TOP2B: variants seen among roughly 807,000 people sequenced by gnomAD.
The protein encoded by TOP2B is DNA topoisomerase 2-beta.
TOP2B carries 51 observed loss-of-function variants against 193.5 expected under a neutral mutation model. The observed-to-expected ratio is 0.26, with a 90% CI of 0.21 to 0.33. The LOEUF (loss-of-function observed/expected upper bound fraction) is 0.33, where lower values mean the gene tolerates loss of function less well. Among genes scored for constraint, TOP2B ranks in the 10% least tolerant of loss-of-function variants. The pLI, the probability that TOP2B is intolerant of heterozygous loss-of-function variation, is 1.00. For synonymous variants in TOP2B, 634 were observed against 635.7 expected, an observed-to-expected ratio of 1.00 and a Z score of 0.04; for missense variants, 1,378 against 1,909.3, an observed-to-expected ratio of 0.72 and a Z score of 5.19.
intron 1 of TOP2B, among the ~76,000 whole-genome samples, chr3:25,650,028 G>C (rs916988284): frequency 1.3e-5 from 2 of 152,172 alleles, no homozygotes; most frequent in Admixed American, 6.5e-5. Flanking sequence ...ATTATCAACT[G>C]AAAAAATTAG....
chr3:25,621,381 G>A (rs1702653943), intron 21 of TOP2B, among the ~76,000 whole-genome samples: 1 of 152,040 alleles, frequency 6.6e-6, no homozygotes, highest in South Asian at 2.1e-4. Context: ...TTTGTTTTGA[G>A]ACAGGGTCTC....
At chr3:25,616,252 A>G (rs1000172258) in intron 25 of TOP2B, among the ~76,000 whole-genome samples, 1 of 151,994 alleles carries the variant, frequency 6.6e-6, no homozygotes, top group Admixed American at 6.6e-5. Context: ...TTCAAAATAC[A>G]ATGAATTTAA....
intron 25 of TOP2B, chr3:25,618,205 T>C (rs1271332476): frequency 2.2e-5 from 11 of 503,180 alleles, no homozygotes; most frequent in Admixed American, 3.4e-5. Flanking sequence ...CAGGCTCTGG[T>C]TGAGTCACAC....
rs749527175 is a variant in TOP2B at position 25,598,144 on chromosome 3, C to CTGTA, written c.*159_*162dup. On this transcript the variant is annotated 3_prime_UTR_variant, in exon 36 of 36. Transcript: ENST00000264331. Reference sequence around the variant, plus strand: ...TCAATGAGTAAAAAAGAGCATAAAACTGTATGTGTAAGAACAAAATGTTAA... The same window carrying CTGTA: ...TCAATGAGTAAAAAAGAGCATAAAACTGTATGTATGTGTAAGAACAAAATGTTAA... The CTGTA allele has an allele frequency of 1.0e-4, 68 of 656,714 alleles. No individual in the cohort carries two copies. Among genetic ancestry groups the CTGTA allele is most frequent in the Non-Finnish European group, 1.5e-4 (60 of 407,168 alleles). The allele number at this position is 656,714 out of a possible 1,614,324, so 40.7% of individuals were successfully genotyped here. A position where few individuals can be genotyped will look rare whatever the true frequency, so the allele number is the denominator to read the frequency against.
intron 18 of TOP2B, among the ~76,000 whole-genome samples, chr3:25,626,061 GA>G (rs1185354991): frequency 6.8e-5 from 10 of 146,098 alleles, no homozygotes; most frequent in Non-Finnish European, 1.1e-4. Flanking sequence ...AAGGTTATGA[GA>G]AAAAAAAAAG....
rs1007817908 is a variant in TOP2B, at chr3:25,664,888, C to T, written c.-591G>A. On this transcript the variant is annotated 5_prime_UTR_variant, in exon 1 of 36. Coordinates refer to ENST00000264331, the MANE Select transcript of TOP2B (RefSeq NM_001330700.2). ...CCGCCACGGTCACCTCCCTCTTGTC[C>T]GGCATAACACCGCACACACACATTT... 1.0e-6 allele frequency: 1 copy of T among 990,356 alleles called. No homozygotes were observed. The highest frequency in any genetic ancestry group is 1.2e-6 in the Non-Finnish European group (1 of 832,194). The allele number at this position is 990,356 out of a possible 1,614,324, so 61.3% of individuals were successfully genotyped here.
In TOP2B at chr3:25,664,833, G is replaced by C; in HGVS notation, c.-536C>G. On this transcript the variant is annotated 5_prime_UTR_variant, in exon 1 of 36. Transcript: ENST00000264331. ...CGATTTCCTCACACACACACACCGA[G>C]AGGGACAATAAACAGAGCCGCCGCC... 7.1e-6 allele frequency: 7 copies of C among 991,450 alleles called. No homozygotes were observed. Among genetic ancestry groups the C allele is most frequent in the Non-Finnish European group, 8.4e-6 (7 of 833,094 alleles). The allele number at this position is 991,450 out of a possible 1,614,324, so 61.4% of individuals were successfully genotyped here.
intron 1 of TOP2B, among the ~76,000 whole-genome samples, chr3:25,658,072 A>C (rs371689007): frequency 6.3e-5 from 6 of 95,322 alleles, no homozygotes; most frequent in African/African-American, 1.4e-4. Flanking sequence ...AAAAAAAAAA[A>C]AAAAAATTAG....
intron 4 of TOP2B, among the ~76,000 whole-genome samples, chr3:25,640,759 T>A (rs1048260324): frequency 1.4e-4 from 20 of 139,328 alleles, no homozygotes; most frequent in African/African-American, 5.4e-4. Context: ...TGTCTTTTTT[T>A]TTTTTTTTTT....
chr3:25,630,216 T>C, intron 12 of TOP2B, 62 bp from the exon 13 acceptor site: 1 of 1,520,640 alleles, frequency 6.6e-7, no homozygotes, highest in Non-Finnish European at 8.8e-7. Context: ...AGTCAGAAAT[T>C]ACATTTAAAA....
intron 1 of TOP2B, among the ~76,000 whole-genome samples, chr3:25,647,244 C>G (rs1031639993): frequency 3.3e-5 from 5 of 152,106 alleles, no homozygotes; most frequent in African/African-American, 4.8e-5. Flanking sequence ...GGCGCAGTGA[C>G]GTTAATTTAT....
chr3:25,601,358 C>G, intron 33 of TOP2B, 133 bp from the exon 34 acceptor site: 1 of 1,108,400 alleles, frequency 9.0e-7, no homozygotes, highest in Non-Finnish European at 1.2e-6. Flanking sequence ...TGGCTCACAC[C>G]TGTAATGCCA....
At chr3:25,651,458 A>G (rs1404640622) in intron 1 of TOP2B, among the ~76,000 whole-genome samples, 3 of 152,016 alleles carry the variant, frequency 2.0e-5, no homozygotes, top group African/African-American at 7.2e-5. Context: ...AAAAAAAAAA[A>G]ATCAATGAAA....
intron 34 of TOP2B, 120 bp downstream of exon 34, chr3:25,600,980 A>G: frequency 1.0e-6 from 1 of 977,918 alleles, no homozygotes; most frequent in East Asian, 2.6e-5. Context: ...CTGCTTACTG[A>G]GGAGTAAAGC....
At chr3:25,648,705 A>ATGT (rs1703485239) in intron 1 of TOP2B, among the ~76,000 whole-genome samples, 1 of 151,834 alleles carries the variant, frequency 6.6e-6, no homozygotes, top group Non-Finnish European at 1.5e-5. Context: ...AAACAAAACA[A>ATGT]AAAAAAATTA....
At chr3:25,627,422 A>ATATTTTTTTTTTTTTTTTTT in intron 15 of TOP2B, 126 bp from the exon 16 acceptor site, 1 of 514,324 alleles carries the variant, frequency 1.9e-6, no homozygotes, top group Non-Finnish European at 3.4e-6. Flanking sequence ...TAAGTGATCA[A>ATATTTTTTTTTTTTTTTTTT]TCTTAATAAG....
At chr3:25,607,068 C>T (rs2125348175) in intron 31 of TOP2B, 103 bp downstream of exon 31, 1 of 1,433,770 alleles carries the variant, frequency 7.0e-7, no homozygotes, top group Non-Finnish European at 9.3e-7. Context: ...TGAAGAAGAA[C>T]TTGCCTAGAA....
Position 25,628,843 on chromosome 3 carries a change from A to G in TOP2B, c.1906+4T>C. The G allele has an allele frequency of 6.8e-7, 1 of 1,478,252 alleles. No individual in the cohort carries two copies. Among genetic ancestry groups the G allele is most frequent in the Non-Finnish European group, 9.2e-7 (1 of 1,092,884 alleles). 91.6% of individuals were successfully genotyped at this position (1,478,252 alleles called of 1,614,324 possible). ...TTAAAATCTAAGTATTTTAAAATAC[A>G]AACCTTTATAGTACTTTATTTTCCA... On this transcript the variant is annotated splice_donor_region_variant and intron_variant, in intron 15 of 35. Transcript: ENST00000264331.
At position 25,607,166 on chromosome 3, in the gene TOP2B, C is replaced by T; in HGVS notation, c.4298+5G>A. On this transcript the variant is annotated splice_donor_5th_base_variant and intron_variant, in intron 31 of 35. Coordinates refer to ENST00000264331, the MANE Select transcript of TOP2B (RefSeq NM_001330700.2). Reference sequence around the variant, plus strand: ...TATACCACATCACTAAATAGCATTACTTACTCTGGAGTGGCTTTTGATTTG... The same window carrying T: ...TATACCACATCACTAAATAGCATTATTTACTCTGGAGTGGCTTTTGATTTG... 1 of 1,612,820 alleles carries T rather than the reference C, an allele frequency of 6.2e-7. No homozygotes were observed. Among genetic ancestry groups the T allele is most frequent in the Non-Finnish European group, 8.5e-7 (1 of 1,179,372 alleles).
Sources: allele counts gnomAD v4.1 joint callset (sites outside exome capture counted in the v4.1 genomes callset), GRCh38; gene constraint gnomAD v4.1.1; transcripts MANE v1.5; gene names NCBI Gene and HGNC (gene_info 2026-07-23, HGNC 2026-07-21).